Variants in ALMS1 observed in about 807,000 individuals in gnomAD.
The protein encoded by ALMS1 is ALMS1 centrosome and basal body associated protein.
In ALMS1, 271 loss-of-function variants were observed where a neutral mutation model predicts 352.2. The observed-to-expected ratio is 0.77, with a 90% confidence interval of 0.70 to 0.85. The LOEUF is 0.85. Among genes scored for constraint, ALMS1 ranks in the 40% least tolerant of loss-of-function variants. ALMS1 has a pLI of 0.00. For missense variants in ALMS1, 5,445 were observed against 4,870.7 expected (o/e 1.12, Z -3.51); for synonymous variants, 1,865 against 1,761.2 (o/e 1.06, Z -1.48).
At chr2:73,439,436 A>G (rs1430265621) in intron 7 of ALMS1, among the ~76,000 whole-genome samples, 4 of 152,090 alleles carry the variant, frequency 2.6e-5, no homozygotes, top group Non-Finnish European at 5.9e-5. Context: ...TCTGTCTTTT[A>G]GTTTCAACCT....
Position 73,399,543 on chromosome 2 carries a change from T to TA in ALMS1, c.325-9078dup, listed in dbSNP as rs557775569. ...TAAACAACCAGGTCTTGTGTGAACT[T>TA]AGAGTGAGCGCTCACTTATCACTAA... On this transcript the variant is annotated intron_variant, in intron 1 of 22. Transcript: ENST00000613296. Among the ~76,000 whole-genome samples, 6 of 151,752 alleles carry TA rather than the reference T, an allele frequency of 4.0e-5. No individual in the cohort carries two copies. In the South Asian group the frequency reaches 1.3e-3, roughly 32 times the overall value.
At chr2:73,554,586 G>A (rs542040570) in intron 13 of ALMS1, among the ~76,000 whole-genome samples, 1 of 151,792 alleles carries the variant, frequency 6.6e-6, no homozygotes, top group African/African-American at 2.4e-5. Context: ...GGTGGCGGGC[G>A]CCTGTAGTCC....
chr2:73,451,230 C>T lies in ALMS1; in HGVS notation c.4703C>T (p.Ser1568Phe). The T allele has an allele frequency of 6.2e-7, 1 of 1,613,992 alleles. No individual in the cohort carries two copies. Among genetic ancestry groups the T allele is most frequent in the Non-Finnish European group, 8.5e-7 (1 of 1,179,970 alleles). Residue 1568 changes from serine (S) to phenylalanine (F), a missense_variant, in exon 8 of 23, where the codon TCT becomes TTT. Physicochemically the swap from Ser to Phe is radical, Grantham distance 155. Coordinates refer to ENST00000613296, the MANE Select transcript of ALMS1 (RefSeq NM_001378454.1). ...DQTTGIPTITSTSYSFGEKPI... is the reference protein window; with the variant it reads ...DQTTGIPTITFTSYSFGEKPI... ...ACAACTGGCATACCAACCATAACCT[C>T]TACTTCCTACTCATTTGGAGAGAAG...
chr2:73,463,946 A>G (rs548658423), intron 9 of ALMS1, among the ~76,000 whole-genome samples: 105 of 152,344 alleles, frequency 6.9e-4, no homozygotes, highest in Non-Finnish European at 1.1e-3. Flanking sequence ...AAATTGAGGC[A>G]ATAATCAATA....
intron 7 of ALMS1, among the ~76,000 whole-genome samples, chr2:73,435,142 G>A (rs1183844799): frequency 6.6e-6 from 1 of 152,126 alleles, no homozygotes; most frequent in Non-Finnish European, 1.5e-5. Context: ...CAAAAATGAT[G>A]TATCTGCTGT....
chr2:73,482,348 G>A (rs1572962261), intron 9 of ALMS1, among the ~76,000 whole-genome samples: 1 of 152,126 alleles, frequency 6.6e-6, no homozygotes, highest in African/African-American at 2.4e-5. Flanking sequence ...TGTGGTTTTT[G>A]TCTTTGGCTC....
intron 9 of ALMS1, among the ~76,000 whole-genome samples, chr2:73,480,344 C>G (rs1014087315): frequency 3.3e-5 from 5 of 151,844 alleles, no homozygotes; most frequent in Admixed American, 1.3e-4. Context: ...TTTGTTCTTG[C>G]GATAGTTTAC....
chr2:73,504,468 G>A (rs1055290286), intron 10 of ALMS1, among the ~76,000 whole-genome samples: 1 of 152,056 alleles, frequency 6.6e-6, no homozygotes, highest in Non-Finnish European at 1.5e-5. Context: ...TTTTTCTACT[G>A]TATAATTTTG....
chr2:73,564,985 C>G (rs928263712), intron 15 of ALMS1, among the ~76,000 whole-genome samples: 5 of 152,072 alleles, frequency 3.3e-5, no homozygotes, highest in Admixed American at 1.3e-4. Context: ...AATCTCAAGC[C>G]GAGAATTTAA....
intron 2 of ALMS1, among the ~76,000 whole-genome samples, chr2:73,414,473 G>GTTTTTTTTTTTTTTTTTTTTTTTTTTT (rs61660489): frequency 3.0e-5 from 2 of 66,416 alleles, no homozygotes; most frequent in African/African-American, 8.5e-5. Context: ...CTTTTTTTCC[G>GTTTTTTTTTTTTTTTTTTTTTTTTTTT]TTTTTTTTTT....
At position 73,550,336 on chromosome 2, in the gene ALMS1, C is replaced by T; in HGVS notation, c.9977C>T (p.Ala3326Val). Residue 3326 changes from alanine to valine, a missense_variant, in exon 13 of 23, where the codon GCC (alanine) becomes GTC (valine). By Grantham distance (64) the Ala-to-Val change is moderately conservative (BLOSUM62 0). Coordinates refer to ENST00000613296, the MANE Select transcript of ALMS1 (RefSeq NM_001378454.1). ...VLGTRDDDLS[A>V]TVNIKHKEGI... is the part of the protein sequence containing the mutation. ...GGCACAAGAGATGATGACCTCTCAG[C>T]CACTGTTAACATTAAACATAAAGAA... 2 of 1,614,154 alleles carry T rather than the reference C, an allele frequency of 1.2e-6. No individual in the cohort carries two copies. The highest frequency in any genetic ancestry group is 1.7e-6 in the Non-Finnish European group (2 of 1,180,018).
chr2:73,602,799 T>C (rs1182093744), intron 20 of ALMS1, among the ~76,000 whole-genome samples: 3 of 152,218 alleles, frequency 2.0e-5, no homozygotes, highest in Non-Finnish European at 4.4e-5. Context: ...ATATCTACTT[T>C]ATAGTGAGAA....
intron 9 of ALMS1, among the ~76,000 whole-genome samples, chr2:73,464,430 T>C (rs1227716881): frequency 2.0e-5 from 3 of 152,212 alleles, no homozygotes; most frequent in African/African-American, 7.2e-5. Context: ...AAATGAGGTA[T>C]TGATGGGATG....
Position 73,385,943 on chromosome 2 carries a change from A to AGGAGGAGGAGGAGGAG in ALMS1, c.76_77insGAGGAGGAGGAGGAGG (p.Glu26GlyfsTer106). ...AGGAGGAGGAGGAGGAGGAGGAGGA[A>AGGAGGAGGAGGAGGAG]GAGGAGGAGGCTGCAGCGGCGGCGG... On this transcript the variant is annotated frameshift_variant, in exon 1 of 23. Coordinates refer to ENST00000613296, the MANE Select transcript of ALMS1 (RefSeq NM_001378454.1). LOFTEE classifies it high-confidence loss of function. 2 of 735,600 alleles carry AGGAGGAGGAGGAGGAG rather than the reference A, an allele frequency of 2.7e-6. No homozygotes were observed. The allele number at this position is 735,600 out of a possible 1,614,324, so 45.6% of individuals were successfully genotyped here. A position where few individuals can be genotyped will look rare whatever the true frequency, so the allele number is the denominator to read the frequency against.
chr2:73,557,045 T>G (rs1674560363), intron 13 of ALMS1, among the ~76,000 whole-genome samples, 175 bp from the exon 14 acceptor site: 1 of 152,188 alleles, frequency 6.6e-6, no homozygotes, highest in Admixed American at 6.6e-5. Context: ...CACAGTAAAG[T>G]ATGAAAAATT....
In ALMS1 at chr2:73,453,930, G is replaced by C. The variant is rs1380460290; in HGVS notation, c.7403G>C (p.Ser2468Thr). The change falls in exon 8 of 23, where the codon AGT becomes ACT. Residue 2468 changes from serine (S) to threonine (T), a missense_variant. Ser to Thr is a moderately conservative substitution (Grantham distance 58). Transcript: ENST00000613296. ...AGGGAGGAAGAGGGTGTGTCAGAGA[G>C]TGAGGATGGTGGTGGTAGCAGTGTA... is the stretch of plus-strand genomic sequence containing the variant. ...DSREEEGVSE[S>T]EDGGGSSVDS... The C allele has an allele frequency of 1.2e-6, 2 of 1,613,982 alleles. No individual in the cohort carries two copies. The highest frequency in any genetic ancestry group is 2.7e-5 in the African/African-American group (2 of 74,924).
intron 15 of ALMS1, among the ~76,000 whole-genome samples, chr2:73,570,635 A>C (rs17009159): frequency 1.3e-5 from 2 of 151,992 alleles, no homozygotes; most frequent in African/African-American, 4.8e-5. Context: ...TTTCAAGCCA[A>C]TGGAAATGAC....
rs1558699694 is a variant in ALMS1 at position 73,572,987 on chromosome 2, G to A, written c.11110G>A (p.Gly3704Arg). The stretch of plus-strand genomic sequence containing the variant: ...CAAGGTGCTTTCTCATCATCGAGCT[G>A]GGAGGTCTAATCAAATTAAAATTGA... ...KSKVLSHHRA[G>R]RSNQIKIEQI... The change falls in exon 16 of 23, where the codon GGG (glycine) becomes AGG (arginine). Residue 3704 changes from glycine to arginine, a missense_variant. Transcript: ENST00000613296. 6.2e-7 allele frequency: 1 copy of A among 1,614,026 alleles called. No individual in the cohort carries two copies. The highest frequency in any genetic ancestry group is 8.5e-7 in the Non-Finnish European group (1 of 1,179,998).
chr2:73,541,275 G>A (rs907409611), intron 12 of ALMS1, among the ~76,000 whole-genome samples: 100 of 152,292 alleles, frequency 6.6e-4, no homozygotes, highest in African/African-American at 2.1e-3. Context: ...AATGACTACT[G>A]GGTACATAAC....
Sources: gnomAD v4.1 joint callset for allele counts (sites outside exome capture counted in the v4.1 genomes callset) on GRCh38, gnomAD v4.1.1 for gene constraint, MANE v1.5 for transcripts, NCBI Gene and HGNC (gene_info 2026-07-23, HGNC 2026-07-21) for gene names.